SEC61G: variants seen among roughly 807,000 people sequenced by gnomAD.
The protein encoded by SEC61G is SEC61 translocon subunit gamma.
Under a neutral mutation model 7.5 loss-of-function variants are expected in SEC61G, and 4 were observed. That is an observed-to-expected ratio of 0.54 (90% CI 0.26 to 1.22). The LOEUF is 1.22. Ranked by LOEUF, SEC61G falls within the 50% of genes most tolerant of loss-of-function variation. The pLI is 0.12. For missense variants in SEC61G, 53 were observed against 84.6 expected (o/e 0.63, Z 1.46); for synonymous variants, 24 against 24.4 (o/e 0.98, Z 0.05).
intron 2 of SEC61G, among the ~76,000 whole-genome samples, chr7:54,756,785 T>A (rs1791523429): frequency 1.3e-5 from 2 of 152,104 alleles, no homozygotes; most frequent in South Asian, 4.1e-4. Flanking sequence ...CTTCTAGTTA[T>A]CTTCCATAAT....
At chr7:54,753,009 G>T (rs2116339296) in intron 3 of SEC61G, among the ~76,000 whole-genome samples, 1 of 152,218 alleles carries the variant, frequency 6.6e-6, no homozygotes, top group Admixed American at 6.5e-5. Context: ...TATAAAATAG[G>T]CCAGGCATGG....
At chr7:54,754,807 T>A (rs1009383174) in intron 3 of SEC61G, 12 of 152,174 alleles carry the variant, frequency 7.9e-5, no homozygotes, top group Admixed American at 7.9e-4. Flanking sequence ...TGAATGTTAA[T>A]TATTATTGCC....
intron 3 of SEC61G, among the ~76,000 whole-genome samples, chr7:54,754,299 A>C (rs1282389544): frequency 6.6e-6 from 1 of 152,214 alleles, no homozygotes; most frequent in Non-Finnish European, 1.5e-5. Context: ...TTAAAGAAAC[A>C]CTTCCTATCA....
intron 2 of SEC61G, among the ~76,000 whole-genome samples, chr7:54,756,186 A>G (rs1047682458): frequency 6.6e-6 from 1 of 152,236 alleles, no homozygotes; most frequent in South Asian, 2.1e-4. Flanking sequence ...CCAAAAACAA[A>G]AAAAGGTCAT....
At chr7:54,756,700 T>C (rs1043910500) in intron 2 of SEC61G, among the ~76,000 whole-genome samples, 1 of 152,112 alleles carries the variant, frequency 6.6e-6, no homozygotes, top group Non-Finnish European at 1.5e-5. Flanking sequence ...GTTGTCATTT[T>C]ATGTTACTTC....
rs750702893 is a variant in SEC61G, at chr7:54,759,193, A to C, written c.-42T>G. The C allele has an allele frequency of 1.5e-5, 8 of 518,948 alleles. No homozygotes were observed. Among genetic ancestry groups the C allele is most frequent in the Middle Eastern group, 3.2e-4 (1 of 3,168 alleles). 32.1% of individuals were successfully genotyped at this position (518,948 alleles called of 1,614,324 possible). A position where few individuals can be genotyped will look rare whatever the true frequency, so the allele number is the denominator to read the frequency against. On this transcript the variant is annotated 5_prime_UTR_variant, in exon 1 of 4. Transcript: ENST00000352861. ...GACACCTAAAATGCCAGGGACACGT[A>C]GCACTGGAGCTTGCTGATGGAGGCC...
chr7:54,758,467 G>A (rs1409169480), intron 1 of SEC61G, among the ~76,000 whole-genome samples: 1 of 152,164 alleles, frequency 6.6e-6, no homozygotes, highest in South Asian at 2.1e-4. Context: ...GCCTTCCTTA[G>A]TGTAGGGTGT....
At chr7:54,753,335 T>C (rs1319566746) in intron 3 of SEC61G, among the ~76,000 whole-genome samples, 1 of 152,208 alleles carries the variant, frequency 6.6e-6, no homozygotes, top group Middle Eastern at 3.4e-3. Flanking sequence ...CCTGAGCATA[T>C]ACTTTAATGT....
intron 3 of SEC61G, among the ~76,000 whole-genome samples, chr7:54,753,013 G>C (rs1388571891): frequency 6.6e-6 from 1 of 152,172 alleles, no homozygotes; most frequent in African/African-American, 2.4e-5. Flanking sequence ...AAATAGGCCA[G>C]GCATGGTGGC....
chr7:54,756,852 T>A (rs1426831423), intron 2 of SEC61G, among the ~76,000 whole-genome samples: 2 of 151,144 alleles, frequency 1.3e-5, no homozygotes, highest in African/African-American at 4.8e-5. Context: ...ATGACAGTCT[T>A]CCTTGGTAAG....
intron 3 of SEC61G, among the ~76,000 whole-genome samples, chr7:54,753,293 A>T (rs1192778636): frequency 1.3e-5 from 2 of 152,050 alleles, no homozygotes; most frequent in East Asian, 3.9e-4. Context: ...ACTCCATCTC[A>T]AAAAAAAGAG....
Position 54,752,400 on chromosome 7 carries a change from C to A in SEC61G, c.*11G>T. The A allele has an allele frequency of 6.5e-7, 1 of 1,535,214 alleles. No homozygotes were observed. Among genetic ancestry groups the A allele is most frequent in the South Asian group, 1.2e-5 (1 of 82,340 alleles). On this transcript the variant is annotated 3_prime_UTR_variant, in exon 4 of 4. Transcript: ENST00000352861. ...AATCTCTAAGATGAAAAACTCTCTT[C>A]CAAAATGTATTCAGCCACCACTGTA...
At chr7:54,753,764 T>TAG (rs1317927342) in intron 3 of SEC61G, among the ~76,000 whole-genome samples, 1 of 152,224 alleles carries the variant, frequency 6.6e-6, no homozygotes, top group African/African-American at 2.4e-5. Flanking sequence ...TCTAAGTAAC[T>TAG]AGCTTCTGAA....
Position 54,753,707 on chromosome 7 carries a change from A to C in SEC61G, c.198-1287T>G, listed in dbSNP as rs80002424. ...AAAAATATCTAAAGATAGATTTTTT[A>C]ACTTCTTAAACATTGAAACCATTTT... On this transcript the variant is annotated intron_variant, in intron 3 of 3. Transcript: ENST00000352861. 4.9e-3 allele frequency among the ~76,000 whole-genome samples: 743 copies of C among 152,294 alleles called. 5 individuals are homozygous for C. The highest frequency in any genetic ancestry group is 0.017 in the African/African-American group (690 of 41,554).
rs766542795 is a variant in SEC61G, at chr7:54,759,196, A to G, written c.-45T>C. 10 of 518,918 alleles carry G rather than the reference A, an allele frequency of 1.9e-5. No homozygotes were observed. Among genetic ancestry groups the G allele is most frequent in the Non-Finnish European group, 1.2e-5 (3 of 259,874 alleles). 32.1% of individuals were successfully genotyped at this position (518,918 alleles called of 1,614,324 possible). A position where few individuals can be genotyped will look rare whatever the true frequency, so the allele number is the denominator to read the frequency against. On this transcript the variant is annotated 5_prime_UTR_variant, in exon 1 of 4. Coordinates refer to ENST00000352861, the MANE Select transcript of SEC61G (RefSeq NM_014302.4). ...ACCTAAAATGCCAGGGACACGTAGC[A>G]CTGGAGCTTGCTGATGGAGGCCCAC...
At chr7:54,758,541 A>C (rs772834984) in intron 1 of SEC61G, among the ~76,000 whole-genome samples, 5 of 152,190 alleles carry the variant, frequency 3.3e-5, no homozygotes, top group Non-Finnish European at 5.9e-5. Flanking sequence ...GGGGGCAAAA[A>C]CACAGTAATG....
chr7:54,754,894 G>A (rs1428855506), intron 3 of SEC61G: 1 of 152,060 alleles, frequency 6.6e-6, no homozygotes, highest in Non-Finnish European at 1.5e-5. Context: ...TGCTTTTAAT[G>A]GATACAAGCA....
chr7:54,752,433 G>C lies in SEC61G; in HGVS notation c.198-13C>G. 1 of 1,473,286 alleles carries C rather than the reference G, an allele frequency of 6.8e-7. No homozygotes were observed. Among genetic ancestry groups the C allele is most frequent in the Non-Finnish European group, 9.3e-7 (1 of 1,075,780 alleles). The allele number at this position is 1,473,286 out of a possible 1,614,324, so 91.3% of individuals were successfully genotyped here. ...TATTCAGCCACCACTGTAAAAGAAA[G>C]AAAAATTATTACTTCTGAGCATAGA... On this transcript the variant is annotated splice_polypyrimidine_tract_variant and intron_variant, in intron 3 of 3. Coordinates refer to ENST00000352861, the MANE Select transcript of SEC61G (RefSeq NM_014302.4).
chr7:54,753,126 C>T (rs1339038639), intron 3 of SEC61G, among the ~76,000 whole-genome samples: 1 of 151,328 alleles, frequency 6.6e-6, no homozygotes, highest in Non-Finnish European at 1.5e-5. Flanking sequence ...CCCGTCTCTA[C>T]TAAAAATACA....
Sources: allele counts gnomAD v4.1 joint callset (sites outside exome capture counted in the v4.1 genomes callset), GRCh38; gene constraint gnomAD v4.1.1; transcripts MANE v1.5; gene names NCBI Gene and HGNC (gene_info 2026-07-23, HGNC 2026-07-21).